CCDC150: variants seen among roughly 807,000 people sequenced by gnomAD.
CCDC150 encodes coiled-coil domain-containing protein 150.
In CCDC150, 151 loss-of-function variants were observed where a neutral mutation model predicts 156.5. The ratio of observed to expected loss-of-function variants is 0.97; its 90% CI spans 0.85 to 1.10. The LOEUF (loss-of-function observed/expected upper bound fraction) is 1.10, where lower values mean the gene tolerates loss of function less well. Ranked by LOEUF, CCDC150 falls within the 50% of genes least tolerant of loss-of-function variation. CCDC150 has a pLI of 0.00. For synonymous variants in CCDC150, 452 were observed against 429.4 expected (o/e 1.05, Z -0.65); for missense variants, 1,312 against 1,268.1 (o/e 1.03, Z -0.53).
At chr2:196,694,559 G>C (rs1013637814) in intron 13 of CCDC150, among the ~76,000 whole-genome samples, 1 of 152,038 alleles carries the variant, frequency 6.6e-6, no homozygotes, top group African/African-American at 2.4e-5. Flanking sequence ...CAGAGAAAAG[G>C]GTTCTTAAAA....
At chr2:196,719,987 T>C (rs1475400595) in intron 19 of CCDC150, among the ~76,000 whole-genome samples, 1 of 152,204 alleles carries the variant, frequency 6.6e-6, no homozygotes, top group Non-Finnish European at 1.5e-5. Context: ...TTCTACAGAA[T>C]AGTAACTGTC....
intron 4 of CCDC150, among the ~76,000 whole-genome samples, chr2:196,658,344 TGTG>T (rs1693350087): frequency 1.3e-5 from 2 of 152,150 alleles, no homozygotes; most frequent in Middle Eastern, 3.2e-3. Flanking sequence ...CATCTGAGAT[TGTG>T]GTGCCATTTA....
At chr2:196,667,302 G>T (rs1693906506) in intron 7 of CCDC150, 1 of 191,022 alleles carries the variant, frequency 5.2e-6, no homozygotes, top group East Asian at 1.3e-4. Context: ...TGTAGAGATG[G>T]ATAGTTGTAA....
At chr2:196,656,308 C>T (rs562995991) in intron 2 of CCDC150, among the ~76,000 whole-genome samples, 1 of 152,230 alleles carries the variant, frequency 6.6e-6, no homozygotes, top group East Asian at 1.9e-4. Context: ...GGCACAGTGC[C>T]TGGGGTGGGG....
chr2:196,726,039 A>G lies in CCDC150; in HGVS notation c.2496A>G (p.Arg832=), dbSNP rs1249466635. ...ELHAERIEAL[R]KQFQTERETT... ...ATGCTGAACGCATAGAAGCTCTAAG[A>G]AAGCAGTTTCAAACCGAGAGAGAAA... is the stretch of plus-strand genomic sequence containing the variant. The change falls in exon 22 of 28, where the codon AGA becomes AGG. Residue 832 remains arginine (R), a synonymous_variant. Transcript: ENST00000389175. The G allele has an allele frequency of 6.2e-7, 1 of 1,611,984 alleles. No individual in the cohort carries two copies. The highest frequency in any genetic ancestry group is 8.5e-7 in the Non-Finnish European group (1 of 1,179,060).
At chr2:196,702,765 T>A (rs1696326969) in intron 15 of CCDC150, among the ~76,000 whole-genome samples, 1 of 151,768 alleles carries the variant, frequency 6.6e-6, no homozygotes, top group South Asian at 2.1e-4. Flanking sequence ...ACCGTCCTAG[T>A]CTGTTTTCTG....
At chr2:196,674,141 T>C (rs1694360509) in intron 9 of CCDC150, 100 bp from the exon 10 acceptor site, 2 of 716,076 alleles carry the variant, frequency 2.8e-6, no homozygotes, top group Middle Eastern at 3.6e-4. Flanking sequence ...TAGTTTCATA[T>C]ATACAGTGAG....
chr2:196,665,532 A>G, intron 5 of CCDC150, 35 bp from the exon 6 acceptor site: 1 of 1,266,084 alleles, frequency 7.9e-7, no homozygotes, highest in East Asian at 2.5e-5. Context: ...TAGTATGATC[A>G]ATTGGTCTTG....
chr2:196,672,794 A>G (rs1442226746), intron 9 of CCDC150, among the ~76,000 whole-genome samples: 1 of 152,100 alleles, frequency 6.6e-6, no homozygotes, highest in East Asian at 1.9e-4. Flanking sequence ...CTTTCTTTGT[A>G]TCTTCTATAG....
intron 13 of CCDC150, among the ~76,000 whole-genome samples, chr2:196,692,153 A>T (rs1575851570): frequency 9.7e-6 from 1 of 103,074 alleles, no homozygotes; most frequent in Non-Finnish European, 1.8e-5. Context: ...TTTGAGACGG[A>T]GTCTCGCTCT....
chr2:196,715,296 T>A (rs1265112224), intron 17 of CCDC150, among the ~76,000 whole-genome samples: 1 of 152,136 alleles, frequency 6.6e-6, no homozygotes, highest in Non-Finnish European at 1.5e-5. Flanking sequence ...ATCCATAGTT[T>A]TGCAATACTG....
At position 196,657,062 on chromosome 2, in the gene CCDC150, A is replaced by G. The variant is rs746572664; in HGVS notation, c.502A>G (p.Lys168Glu). 35 of 1,613,766 alleles carry G rather than the reference A, an allele frequency of 2.2e-5. No individual in the cohort carries two copies. Among genetic ancestry groups the G allele is most frequent in the Middle Eastern group, 1.6e-4 (1 of 6,084 alleles). ...TTTGCGCCAGCAACTGAGAGCTGTAAAAGAGGAAGAAGACAAGGCACAAGA... is the reference window on the plus strand; with the variant it reads ...TTTGCGCCAGCAACTGAGAGCTGTAGAAGAGGAAGAAGACAAGGCACAAGA... ...MNLRQQLRAV[K>E]EEEDKAQDEV... is the part of the protein sequence containing the mutation. The change falls in exon 4 of 28, where the codon AAA becomes GAA. Residue 168 changes from lysine (K) to glutamate (E), a missense_variant. Transcript: ENST00000389175.
At chr2:196,641,320 TTC>T in intron 1 of CCDC150, among the ~76,000 whole-genome samples, 1 of 152,144 alleles carries the variant, frequency 6.6e-6, no homozygotes, top group South Asian at 2.1e-4. Context: ...TCTCTCAATG[TTC>T]TCTGTGTTAC....
At chr2:196,719,466 A>G in intron 18 of CCDC150, 31 bp from the exon 19 acceptor site, 1 of 1,578,796 alleles carries the variant, frequency 6.3e-7, no homozygotes, top group Non-Finnish European at 8.6e-7. Flanking sequence ...GAAAGGATCA[A>G]ATGTCTTTGT....
chr2:196,673,489 T>C (rs919478496), intron 9 of CCDC150, among the ~76,000 whole-genome samples: 3 of 152,198 alleles, frequency 2.0e-5, no homozygotes, highest in East Asian at 1.9e-4. Context: ...CTGTACTGCC[T>C]GCCCATACCA....
chr2:196,712,179 CT>C lies in CCDC150; in HGVS notation c.1734del (p.Phe578LeufsTer14). On this transcript the variant is annotated frameshift_variant, in exon 16 of 28. Transcript: ENST00000389175. LOFTEE classifies it high-confidence loss of function. ...AAACAGCTAGAAGAACAAGTACAGTCTTTTACTGACACCAGCTTACAGAATG... is the reference window on the plus strand; with the variant it reads ...AAACAGCTAGAAGAACAAGTACAGTCTTTACTGACACCAGCTTACAGAATG... ...KVKQLEEQVQ[S>X]FTDTSLQNDH... 3 of 1,585,726 alleles carry C rather than the reference CT, an allele frequency of 1.9e-6. No individual in the cohort carries two copies. Among genetic ancestry groups the C allele is most frequent in the Non-Finnish European group, 2.6e-6 (3 of 1,163,518 alleles).
Position 196,721,642 on chromosome 2 carries a change from G to T in CCDC150, c.2380G>T (p.Glu794Ter). ...HLQTKLDHIQ[E>*]QLESKELERQ... ...GCAAACAAAGCTAGATCACATTCAA[G>T]AGCAATTGGAAAGCAAAGAACTTGA... The change falls in exon 21 of 28, where the codon GAG becomes TAG. Residue 794 changes from glutamate to a stop codon, truncating the protein, a stop_gained. Coordinates refer to ENST00000389175, the MANE Select transcript of CCDC150 (RefSeq NM_001080539.2). LOFTEE classifies it high-confidence loss of function. 6.2e-7 allele frequency: 1 copy of T among 1,603,638 alleles called. No homozygotes were observed. The highest frequency in any genetic ancestry group is 1.7e-4 in the Middle Eastern group (1 of 6,052).
intron 16 of CCDC150, 119 bp from the exon 17 acceptor site, chr2:196,712,558 G>A: frequency 1.5e-6 from 1 of 662,404 alleles, no homozygotes; most frequent in East Asian, 2.7e-5. Context: ...TTGTATTACT[G>A]AACATTCATA....
intron 13 of CCDC150, among the ~76,000 whole-genome samples, chr2:196,681,229 G>A (rs531145829): frequency 1.2e-4 from 18 of 151,838 alleles, no homozygotes; most frequent in South Asian, 4.1e-4. Flanking sequence ...TTTGTGTGTG[G>A]CTTCTTTTAC....
Sources: allele counts gnomAD v4.1 joint callset (sites outside exome capture counted in the v4.1 genomes callset), GRCh38; gene constraint gnomAD v4.1.1; transcripts MANE v1.5; gene names NCBI Gene and HGNC (gene_info 2026-07-23, HGNC 2026-07-21).